The following PC variants were observed in gnomAD, a reference collection of about 807,000 sequenced individuals.
PC encodes the protein pyruvate carboxylase, mitochondrial.
A neutral mutation model predicts 107.8 loss-of-function variants in PC; 46 were observed. That is an observed-to-expected ratio of 0.43 (90% CI 0.34 to 0.55). The LOEUF (loss-of-function observed/expected upper bound fraction) is 0.55. PC is among the 20% of genes least tolerant of loss of function. PC has a pLI of 0.04. For missense variants in PC, 1,241 were observed against 1,643.1 expected, an observed-to-expected ratio of 0.76 and a Z score of 4.23; for synonymous variants, 662 against 684.7, an observed-to-expected ratio of 0.97 and a Z score of 0.52.
At chr11:66,926,014 G>T (rs947404652) in intron 3 of PC, among the ~76,000 whole-genome samples, 1 of 151,884 alleles carries the variant, frequency 6.6e-6, no homozygotes, top group Non-Finnish European at 1.5e-5. Flanking sequence ...AAGAAAATGA[G>T]TCAAACTCAA....
chr11:66,883,941 A>C (rs922207185), intron 3 of PC, among the ~76,000 whole-genome samples: 2 of 151,984 alleles, frequency 1.3e-5, no homozygotes, highest in African/African-American at 4.8e-5. Context: ...TAAAAAAAAA[A>C]CTTTTTAAAA....
chr11:66,867,445 T>G (rs928763442), intron 10 of PC, among the ~76,000 whole-genome samples: 1 of 152,192 alleles, frequency 6.6e-6, no homozygotes, highest in Non-Finnish European at 1.5e-5. Context: ...GAAGGCAGCC[T>G]GGAACCTACA....
intron 3 of PC, among the ~76,000 whole-genome samples, chr11:66,886,114 T>G (rs1947350822): frequency 7.0e-6 from 1 of 142,794 alleles, no homozygotes; most frequent in Admixed American, 7.3e-5. Context: ...CACGCCTGCG[T>G]GGAGAGCAGG....
intron 3 of PC, among the ~76,000 whole-genome samples, chr11:66,886,314 C>A (rs1391333647): frequency 6.7e-6 from 1 of 150,142 alleles, no homozygotes; most frequent in Non-Finnish European, 1.5e-5. Flanking sequence ...GCAGGGAGTG[C>A]AGGCAGGGAG....
chr11:66,872,812 G>C (rs1249901054), intron 3 of PC, among the ~76,000 whole-genome samples: 1 of 147,358 alleles, frequency 6.8e-6, no homozygotes, highest in Non-Finnish European at 1.5e-5. Context: ...GAAGTGGGAG[G>C]AGCACCTTAC....
At chr11:66,868,063 G>A (rs905701162) in intron 10 of PC, among the ~76,000 whole-genome samples, 2 of 152,254 alleles carry the variant, frequency 1.3e-5, no homozygotes, top group Non-Finnish European at 2.9e-5. Flanking sequence ...TTTTGAAAAT[G>A]TCATCCTCAG....
chr11:66,862,522 G>T (rs1313788844), intron 12 of PC, among the ~76,000 whole-genome samples: 1 of 152,208 alleles, frequency 6.6e-6, no homozygotes, highest in Non-Finnish European at 1.5e-5. Flanking sequence ...AGGCAGAGGG[G>T]CCGGTGCCAG....
chr11:66,918,261 G>A (rs886825266), intron 3 of PC, among the ~76,000 whole-genome samples: 5 of 151,950 alleles, frequency 3.3e-5, no homozygotes, highest in African/African-American at 4.8e-5. Context: ...TAGGTAGGGC[G>A]TGGTGGCTCA....
intron 3 of PC, among the ~76,000 whole-genome samples, chr11:66,915,810 T>G (rs1300369093): frequency 6.6e-6 from 1 of 152,212 alleles, no homozygotes; most frequent in African/African-American, 2.4e-5. Flanking sequence ...GCACATGGTG[T>G]TGGGGGAAGC....
chr11:66,882,775 G>A (rs1270293428), intron 3 of PC, among the ~76,000 whole-genome samples: 1 of 152,206 alleles, frequency 6.6e-6, no homozygotes, highest in Non-Finnish European at 1.5e-5. Flanking sequence ...GCTCTCCCCA[G>A]GCGGCTCTGC....
intron 3 of PC, among the ~76,000 whole-genome samples, chr11:66,902,643 C>A (rs1948001892): frequency 6.6e-6 from 1 of 152,146 alleles, no homozygotes; most frequent in Non-Finnish European, 1.5e-5. Flanking sequence ...CCCTGCCTGC[C>A]AACCTCAGCC....
At chr11:66,878,195 G>C (rs1194089600) in intron 3 of PC, among the ~76,000 whole-genome samples, 1 of 152,096 alleles carries the variant, frequency 6.6e-6, no homozygotes, top group East Asian at 1.9e-4. Context: ...GCTGGCAGCA[G>C]CCCACTGGCA....
chr11:66,890,790 C>G (rs545640035), intron 3 of PC, among the ~76,000 whole-genome samples: 1 of 152,126 alleles, frequency 6.6e-6, no homozygotes, highest in African/African-American at 2.4e-5. Context: ...CAGGCATGAG[C>G]CACCTCCCCC....
At chr11:66,932,477 ACT>A (rs746316096) in intron 3 of PC, among the ~76,000 whole-genome samples, 48 of 152,062 alleles carry the variant, frequency 3.2e-4, no homozygotes, top group Non-Finnish European at 6.2e-4. Flanking sequence ...CCTTGGTTGG[ACT>A]CTGTCAATGA....
chr11:66,932,941 T>C (rs375830546), intron 3 of PC, among the ~76,000 whole-genome samples: 3 of 152,322 alleles, frequency 2.0e-5, no homozygotes, highest in African/African-American at 7.2e-5. Context: ...CAAGTGTTCT[T>C]AATTCATATT....
intron 3 of PC, among the ~76,000 whole-genome samples, chr11:66,934,996 T>C (rs1948959123): frequency 6.6e-6 from 1 of 152,254 alleles, no homozygotes; most frequent in Admixed American, 6.5e-5. Flanking sequence ...CCAGTCACTA[T>C]GCAAGCATGT....
chr11:66,923,699 T>A (rs910497896), intron 3 of PC, among the ~76,000 whole-genome samples: 1 of 151,804 alleles, frequency 6.6e-6, no homozygotes, highest in Non-Finnish European at 1.5e-5. Flanking sequence ...TTTGTATTTT[T>A]AGTAGAGATG....
At chr11:66,902,333 C>T (rs1173145073) in intron 3 of PC, among the ~76,000 whole-genome samples, 10 of 152,222 alleles carry the variant, frequency 6.6e-5, no homozygotes, top group African/African-American at 2.4e-4. Context: ...GTGATGGCCA[C>T]ATAGCAAGTG....
At chr11:66,883,100 A>G (rs899305685) in intron 3 of PC, among the ~76,000 whole-genome samples, 2 of 152,190 alleles carry the variant, frequency 1.3e-5, no homozygotes, top group African/African-American at 2.4e-5. Flanking sequence ...GGCGACGAAC[A>G]GCAGTGAACA....
Sources: allele counts gnomAD v4.1 joint callset (sites outside exome capture counted in the v4.1 genomes callset), GRCh38; gene constraint gnomAD v4.1.1; transcripts MANE v1.5; gene names NCBI Gene and HGNC (gene_info 2026-07-23, HGNC 2026-07-21).